The following SLC25A26 variants were observed in gnomAD, a reference collection of about 807,000 sequenced individuals.
SLC25A26 encodes mitochondrial S-adenosylmethionine carrier protein.
SLC25A26 carries 36 observed loss-of-function variants against 37.8 expected under a neutral mutation model. The observed-to-expected ratio is 0.95, with a 90% CI of 0.73 to 1.26. The LOEUF (loss-of-function observed/expected upper bound fraction) is 1.26. SLC25A26 is among the 50% of genes most tolerant of loss of function. The pLI is 0.00. For missense variants in SLC25A26, 390 were observed against 331.1 expected (o/e 1.18, Z -1.38); for synonymous variants, 129 against 122.5 (o/e 1.05, Z -0.35).
intron 1 of SLC25A26, among the ~76,000 whole-genome samples, chr3:66,144,340 G>C (rs1265620756): frequency 6.6e-6 from 1 of 152,136 alleles, no homozygotes; most frequent in Admixed American, 6.5e-5. Flanking sequence ...AGGAAGATTT[G>C]GGCCTCTTTT....
chr3:66,249,427 G>A (rs572895445), intron 3 of SLC25A26, among the ~76,000 whole-genome samples: 90 of 152,260 alleles, frequency 5.9e-4, no homozygotes, highest in African/African-American at 2.0e-3. Context: ...GATGCTGTGT[G>A]GTGTTTTTCA....
At chr3:66,269,705 T>C (rs994962368) in intron 5 of SLC25A26, among the ~76,000 whole-genome samples, 1 of 152,178 alleles carries the variant, frequency 6.6e-6, no homozygotes, top group Non-Finnish European at 1.5e-5. Flanking sequence ...TTCCTGCTTA[T>C]CATGATTGTA....
At chr3:66,295,220 A>G (rs1046377554) in intron 5 of SLC25A26, among the ~76,000 whole-genome samples, 2 of 150,502 alleles carry the variant, frequency 1.3e-5, no homozygotes, top group African/African-American at 5.0e-5. Flanking sequence ...CATTTTCTCA[A>G]ATTTGCTTGT....
intron 1 of SLC25A26, among the ~76,000 whole-genome samples, chr3:66,147,565 TTAAATATAA>T (rs2070138626): frequency 6.6e-6 from 1 of 152,126 alleles, no homozygotes; most frequent in South Asian, 2.1e-4. Context: ...ATGTGTCCTT[TTAAATATAA>T]TGATATCTTT....
chr3:66,202,539 A>T (rs1210009576), intron 1 of SLC25A26, among the ~76,000 whole-genome samples: 1 of 151,794 alleles, frequency 6.6e-6, no homozygotes, highest in African/African-American at 2.4e-5. Flanking sequence ...ATGAAAAAAA[A>T]AAAAAAAAAG....
intron 3 of SLC25A26, among the ~76,000 whole-genome samples, chr3:66,248,231 C>CCT (rs1356084878): frequency 3.3e-5 from 5 of 152,150 alleles, no homozygotes; most frequent in Non-Finnish European, 7.4e-5. Context: ...ATAATTACAA[C>CCT]CTTCTACCTT....
chr3:66,155,028 T>C (rs1207373845), intron 1 of SLC25A26, among the ~76,000 whole-genome samples: 5 of 152,236 alleles, frequency 3.3e-5, no homozygotes, highest in Non-Finnish European at 5.9e-5. Context: ...TCCTGGTACA[T>C]AGTAGGCAGC....
chr3:66,349,907 C>G (rs542461726), intron 6 of SLC25A26, among the ~76,000 whole-genome samples: 1 of 152,248 alleles, frequency 6.6e-6, no homozygotes, highest in African/African-American at 2.4e-5. Flanking sequence ...CATTCTAGTA[C>G]TTGTGAATTG....
intron 7 of SLC25A26, among the ~76,000 whole-genome samples, chr3:66,368,750 G>A (rs1262299445): frequency 6.6e-6 from 1 of 152,168 alleles, no homozygotes; most frequent in African/African-American, 2.4e-5. Context: ...GGGCGTGGTG[G>A]TTCATGCCTG....
chr3:66,147,821 C>T lies in SLC25A26; in HGVS notation c.-354+13837C>T, dbSNP rs191840331. ...TCACCCAGGCTGGAGTACAGTGGCACGATCTCAGTTCACTGCAACCTCCGC... is the reference window on the plus strand; with the variant it reads ...TCACCCAGGCTGGAGTACAGTGGCATGATCTCAGTTCACTGCAACCTCCGC... On this transcript the variant is annotated intron_variant, in intron 1 of 10. Transcript: ENST00000676754. 2.5e-3 allele frequency among the ~76,000 whole-genome samples: 374 copies of T among 152,036 alleles called. 3 individuals are homozygous for T. Among genetic ancestry groups the T allele is most frequent in the South Asian group, 1.0e-2 (48 of 4,814 alleles).
chr3:66,276,409 T>C (rs1348990555), intron 5 of SLC25A26, among the ~76,000 whole-genome samples: 2 of 152,038 alleles, frequency 1.3e-5, no homozygotes, highest in Non-Finnish European at 2.9e-5. Flanking sequence ...AAGAAAATAA[T>C]GTGATGGGGG....
chr3:66,300,122 A>C (rs1470275531), intron 5 of SLC25A26, among the ~76,000 whole-genome samples: 1 of 152,124 alleles, frequency 6.6e-6, no homozygotes, highest in Admixed American at 6.5e-5. Flanking sequence ...GCCCGTGTAA[A>C]AGGGTTTTTC....
chr3:66,173,926 G>T (rs2070537366), intron 1 of SLC25A26, among the ~76,000 whole-genome samples: 1 of 152,090 alleles, frequency 6.6e-6, no homozygotes, highest in Admixed American at 6.5e-5. Context: ...GGTGGCGCAT[G>T]CCTGTAATCC....
intron 1 of SLC25A26, among the ~76,000 whole-genome samples, chr3:66,170,658 A>G (rs2106730681): frequency 6.6e-6 from 1 of 152,158 alleles, no homozygotes; most frequent in East Asian, 1.9e-4. Context: ...AAAGACACAC[A>G]CCTGTTAAAT....
chr3:66,173,210 A>G (rs2070525644), intron 1 of SLC25A26, among the ~76,000 whole-genome samples: 1 of 152,194 alleles, frequency 6.6e-6, no homozygotes, highest in Non-Finnish European at 1.5e-5. Context: ...GACTTGGATC[A>G]CATACCTGTC....
intron 6 of SLC25A26, among the ~76,000 whole-genome samples, chr3:66,358,066 T>TA (rs1179287089): frequency 6.6e-6 from 1 of 152,252 alleles, no homozygotes; most frequent in Admixed American, 6.5e-5. Flanking sequence ...TTTATATTGT[T>TA]ACCTGTACTA....
At chr3:66,140,662 A>C (rs538373261) in intron 1 of SLC25A26, among the ~76,000 whole-genome samples, 1 of 152,208 alleles carries the variant, frequency 6.6e-6, no homozygotes, top group South Asian at 2.1e-4. Flanking sequence ...AATATTCTTC[A>C]TAAGTAAAAC....
At chr3:66,300,256 G>GTTTTT (rs916553948) in intron 5 of SLC25A26, among the ~76,000 whole-genome samples, 7 of 116,652 alleles carry the variant, frequency 6.0e-5, no homozygotes, top group Admixed American at 9.0e-5. Context: ...TTTTTGTTTT[G>GTTTTT]TTTTTTTTTT....
chr3:66,225,633 C>G (rs1361999466), intron 1 of SLC25A26, among the ~76,000 whole-genome samples: 1 of 152,190 alleles, frequency 6.6e-6, no homozygotes, highest in African/African-American at 2.4e-5. Context: ...CTGCAGCCAG[C>G]TTGAATTTTT....
Sources: gnomAD v4.1 joint callset for allele counts (sites outside exome capture counted in the v4.1 genomes callset) on GRCh38, gnomAD v4.1.1 for gene constraint, MANE v1.5 for transcripts, NCBI Gene and HGNC (gene_info 2026-07-23, HGNC 2026-07-21) for gene names.